The following ADAMTSL1 variants were observed in gnomAD, a reference collection of about 807,000 sequenced individuals.
ADAMTSL1 encodes the protein ADAMTS-like protein 1.
A neutral mutation model predicts 201.8 loss-of-function variants in ADAMTSL1; 126 were observed. That is an observed-to-expected ratio of 0.62 (90% CI 0.54 to 0.72). The LOEUF is 0.72. ADAMTSL1 is among the 30% of genes least tolerant of loss of function. ADAMTSL1 has a pLI of 0.00. For missense variants in ADAMTSL1, 2,679 were observed against 2,277.8 expected (o/e 1.18, Z -3.59); for synonymous variants, 1,121 against 903.4 (o/e 1.24, Z -4.32).
chr9:18,399,308 TATATATATATATATATATATAA>T (rs1563934718), intron 2 of ADAMTSL1, among the ~76,000 whole-genome samples: 3 of 111,700 alleles, frequency 2.7e-5, no homozygotes, highest in African/African-American at 1.1e-4. Context: ...TATATATATA[TATATATATATATATATATATAA>T]AATTATTATT....
At chr9:18,794,706 C>T (rs1433828) in intron 19 of ADAMTSL1, among the ~76,000 whole-genome samples, 92,240 of 151,572 alleles carry the variant, frequency 0.61, 28,287 homozygotes, top group East Asian at 0.77. Context: ...CAATCTCAGC[C>T]CACTACAACC....
At chr9:18,434,355 C>T (rs10963605) in intron 2 of ADAMTSL1, among the ~76,000 whole-genome samples, 38,017 of 152,008 alleles carry the variant, frequency 0.25, 5,268 homozygotes, top group East Asian at 0.41. Flanking sequence ...CACCTCCCAA[C>T]CACAAAAATT....
At chr9:18,278,546 T>C (rs532952850) in intron 2 of ADAMTSL1, among the ~76,000 whole-genome samples, 1 of 152,334 alleles carries the variant, frequency 6.6e-6, no homozygotes, top group East Asian at 1.9e-4. Flanking sequence ...GTCCCTTACA[T>C]GTGACTAGTT....
At chr9:17,988,796 T>C (rs1819028616) in intron 1 of ADAMTSL1, among the ~76,000 whole-genome samples, 1 of 152,004 alleles carries the variant, frequency 6.6e-6, no homozygotes, top group Non-Finnish European at 1.5e-5. Context: ...AGAATAATTT[T>C]GGTTTTTATT....
chr9:18,877,360 T>A (rs903939767), intron 23 of ADAMTSL1, among the ~76,000 whole-genome samples: 9 of 152,318 alleles, frequency 5.9e-5, no homozygotes, highest in Middle Eastern at 6.8e-3. Context: ...GGGTAGACTA[T>A]GTCAGAGGGA....
intron 7 of ADAMTSL1, among the ~76,000 whole-genome samples, chr9:18,647,326 T>G (rs565787671): frequency 6.6e-6 from 1 of 151,348 alleles, no homozygotes; most frequent in Non-Finnish European, 1.5e-5. Context: ...TGTTGATCCT[T>G]TCAAAAAACC....
At chr9:17,940,545 C>T (rs770520166) in intron 1 of ADAMTSL1, among the ~76,000 whole-genome samples, 48 of 151,722 alleles carry the variant, frequency 3.2e-4, no homozygotes, top group African/African-American at 1.2e-3. Context: ...ACTTGTTGAC[C>T]TGTTGAGTTG....
chr9:18,882,934 G>A (rs1327849998), intron 23 of ADAMTSL1, among the ~76,000 whole-genome samples: 1 of 149,756 alleles, frequency 6.7e-6, no homozygotes, highest in African/African-American at 2.5e-5. Context: ...CAAGATTGCA[G>A]TGAGCTATGA....
intron 2 of ADAMTSL1, among the ~76,000 whole-genome samples, chr9:18,222,613 A>G (rs1214272598): frequency 7.0e-6 from 1 of 143,462 alleles, no homozygotes; most frequent in Non-Finnish European, 1.5e-5. Flanking sequence ...GTATATTCCA[A>G]TCAGTATTTG....
chr9:18,723,102 A>T (rs371870914), intron 15 of ADAMTSL1: 1 of 774,830 alleles, frequency 1.3e-6, no homozygotes, highest in East Asian at 2.4e-5. Flanking sequence ...GCTGTCACCA[A>T]CTAGCTCTGT....
intron 23 of ADAMTSL1, among the ~76,000 whole-genome samples, chr9:18,864,044 C>T (rs1161350331): frequency 6.6e-6 from 1 of 152,214 alleles, no homozygotes; most frequent in Non-Finnish European, 1.5e-5. Flanking sequence ...AATAATGCCA[C>T]ATCTTTCATA....
chr9:18,702,758 C>T (rs1043660872), intron 13 of ADAMTSL1, among the ~76,000 whole-genome samples: 1 of 150,876 alleles, frequency 6.6e-6, no homozygotes, highest in African/African-American at 2.4e-5. Context: ...GTGTTGCTAA[C>T]AAAAAGAGTT....
At chr9:18,009,313 G>C (rs550345769) in intron 1 of ADAMTSL1, among the ~76,000 whole-genome samples, 1 of 151,966 alleles carries the variant, frequency 6.6e-6, no homozygotes, top group South Asian at 2.1e-4. Context: ...CAAAAAGCTG[G>C]CTTGTCATCC....
At chr9:17,969,145 C>T (rs1289000587) in intron 1 of ADAMTSL1, among the ~76,000 whole-genome samples, 1 of 152,014 alleles carries the variant, frequency 6.6e-6, no homozygotes, top group Non-Finnish European at 1.5e-5. Context: ...TAAGCACAGA[C>T]ACTAACTGCA....
chr9:18,123,739 G>A (rs1206012096), intron 1 of ADAMTSL1, among the ~76,000 whole-genome samples: 3 of 152,242 alleles, frequency 2.0e-5, no homozygotes, highest in Non-Finnish European at 4.4e-5. Context: ...CCCAGGAAGC[G>A]TCCCTGTAGC....
chr9:18,054,748 T>C (rs1822098345), intron 1 of ADAMTSL1, among the ~76,000 whole-genome samples: 2 of 152,218 alleles, frequency 1.3e-5, no homozygotes, highest in South Asian at 4.1e-4. Flanking sequence ...TTTAAACCCT[T>C]TTATCAAGGC....
At chr9:18,797,050 G>C (rs1190416570) in intron 20 of ADAMTSL1, among the ~76,000 whole-genome samples, 1 of 152,196 alleles carries the variant, frequency 6.6e-6, no homozygotes, top group African/African-American at 2.4e-5. Context: ...TGTAACATCA[G>C]GCTTGCCTTC....
At chr9:18,215,436 A>G (rs1308729708) in intron 2 of ADAMTSL1, among the ~76,000 whole-genome samples, 3 of 152,222 alleles carry the variant, frequency 2.0e-5, no homozygotes, top group African/African-American at 7.2e-5. Context: ...TGAAGTAAAC[A>G]TATTTATGAG....
chr9:18,858,279 C>T (rs1563864080), intron 23 of ADAMTSL1, among the ~76,000 whole-genome samples: 3 of 152,072 alleles, frequency 2.0e-5, no homozygotes, highest in Non-Finnish European at 4.4e-5. Flanking sequence ...AAACAGCCTC[C>T]TACCATTGCT....
Sources: allele counts gnomAD v4.1 joint callset (sites outside exome capture counted in the v4.1 genomes callset), GRCh38; gene constraint gnomAD v4.1.1; transcripts MANE v1.5; gene names NCBI Gene and HGNC (gene_info 2026-07-23, HGNC 2026-07-21).